Variants in PDE12 observed in about 807,000 individuals in gnomAD.
The protein encoded by PDE12 is phosphodiesterase 12, also known as 2',5'-phosphodiesterase 12.
In PDE12, 26 loss-of-function variants were observed where a neutral mutation model predicts 45.4. The observed-to-expected ratio is 0.57, with a 90% CI of 0.42 to 0.79. The LOEUF (loss-of-function observed/expected upper bound fraction) is 0.79, where lower values mean the gene tolerates loss of function less well. PDE12 is among the 30% of genes least tolerant of loss of function. PDE12 has a pLI of 0.00. For missense variants in PDE12, 668 were observed against 790.0 expected (o/e 0.85, Z 1.85); for synonymous variants, 283 against 323.9 (o/e 0.87, Z 1.36).
the PDE12 span, among the ~76,000 whole-genome samples, chr3:57,592,668 A>G: frequency 6.6e-6 from 1 of 152,170 alleles, no homozygotes. Context: ...GCACTACTAT[A>G]ATAATGCAAA....
the PDE12 span, among the ~76,000 whole-genome samples, chr3:57,574,852 TC>T: frequency 2.0e-5 from 3 of 151,824 alleles, no homozygotes; most frequent in Non-Finnish European, 4.4e-5. Context: ...ACCCCCCATC[TC>T]CACTTTTTTT....
the PDE12 span, among the ~76,000 whole-genome samples, chr3:57,590,761 C>G: frequency 2.6e-5 from 4 of 152,108 alleles, no homozygotes; most frequent in Admixed American, 6.6e-5. Flanking sequence ...TCACTGTAGC[C>G]TCAAACTCCT....
At chr3:57,597,078 C>T in the PDE12 span, 5 of 1,614,046 alleles carry the variant, frequency 3.1e-6, no homozygotes, top group African/African-American at 6.7e-5. Flanking sequence ...ACTCACCCAT[C>T]AAAATGCGCA....
chr3:57,627,988 C>G, the PDE12 span: 1 of 464,812 alleles, frequency 2.2e-6, no homozygotes, highest in Non-Finnish European at 3.6e-6. Context: ...TATAGAAATG[C>G]CTTTCGGTGT....
chr3:57,634,881 G>T, the PDE12 span: 7 of 872,414 alleles, frequency 8.0e-6, no homozygotes, highest in Non-Finnish European at 9.8e-6. Context: ...TATAATGAAA[G>T]GATTCTTAAC....
At chr3:57,573,126 C>G in the PDE12 span, among the ~76,000 whole-genome samples, 1 of 149,870 alleles carries the variant, frequency 6.7e-6, no homozygotes, top group Non-Finnish European at 1.5e-5. Context: ...GGCATGAACC[C>G]AGAAGGCAGA....
At chr3:57,578,509 G>T in the PDE12 span, among the ~76,000 whole-genome samples, 1 of 151,592 alleles carries the variant, frequency 6.6e-6, no homozygotes, top group Non-Finnish European at 1.5e-5. Flanking sequence ...CTCAGACAGG[G>T]TCTCAACTCT....
At chr3:57,606,888 G>C in the PDE12 span, among the ~76,000 whole-genome samples, 3 of 152,152 alleles carry the variant, frequency 2.0e-5, no homozygotes, top group Non-Finnish European at 2.9e-5. Context: ...ACTGAGCTTT[G>C]AAGAGAGTAG....
the PDE12 span, among the ~76,000 whole-genome samples, chr3:57,655,584 A>C: frequency 2.0e-5 from 3 of 152,216 alleles, no homozygotes; most frequent in Admixed American, 1.3e-4. Flanking sequence ...CAAAGTCAAA[A>C]TGCAATCAAA....
At chr3:57,604,011 G>A in the PDE12 span, among the ~76,000 whole-genome samples, 2 of 150,002 alleles carry the variant, frequency 1.3e-5, no homozygotes, top group Non-Finnish European at 3.0e-5. Flanking sequence ...TGCAGCCTCT[G>A]CCTCCCAAGT....
chr3:57,609,772 C>T, the PDE12 span, among the ~76,000 whole-genome samples: 4 of 152,010 alleles, frequency 2.6e-5, no homozygotes, highest in Non-Finnish European at 5.9e-5. Flanking sequence ...AGTCCAGGAC[C>T]AGAGAGATTC....
At chr3:57,568,858 C>A (rs1373473488), downstream of PDE12, among the ~76,000 whole-genome samples, 318 of 118,790 alleles carry the variant, frequency 2.7e-3, no homozygotes, top group East Asian at 6.2e-3. Flanking sequence ...ATGTTATGGA[C>A]AAAAAAAAAA....
chr3:57,573,604 C>T, the PDE12 span, among the ~76,000 whole-genome samples: 5 of 152,144 alleles, frequency 3.3e-5, no homozygotes, highest in Non-Finnish European at 5.9e-5. Context: ...TGTTTTGAGG[C>T]AGAGTACTCA....
chr3:57,575,537 C>A, the PDE12 span: 2 of 1,606,328 alleles, frequency 1.2e-6, no homozygotes, highest in Non-Finnish European at 1.7e-6. Flanking sequence ...TATCAACCTC[C>A]AAATACTTAC....
chr3:57,569,904 T>C (rs1366606444), downstream of PDE12, among the ~76,000 whole-genome samples: 5 of 148,880 alleles, frequency 3.4e-5, no homozygotes, highest in African/African-American at 1.2e-4. Flanking sequence ...TAAGATTACA[T>C]AGATTCTCTA....
chr3:57,575,573 C>G, the PDE12 span: 1 of 1,612,900 alleles, frequency 6.2e-7, no homozygotes. Flanking sequence ...AGACTGAAGC[C>G]CTAGTTTATC....
rs1361822732 is a variant in PDE12 at position 57,562,383 on chromosome 3, T to C, written c.*2379T>C. 1 of 152,370 alleles carries C rather than the reference T, an allele frequency of 6.6e-6. No homozygotes were observed. Among genetic ancestry groups the C allele is most frequent in the Admixed American group, 6.5e-5 (1 of 15,284 alleles). The allele number at this position is 152,370 out of a possible 1,614,324, so 9.4% of individuals were successfully genotyped here. Reference sequence around the variant, plus strand: ...CATGGAATGTTATTGTGAAGTGCCATATACTGTGATCAAATCTCCAGTATA... The same window carrying C: ...CATGGAATGTTATTGTGAAGTGCCACATACTGTGATCAAATCTCCAGTATA... On this transcript the variant is annotated 3_prime_UTR_variant, in exon 3 of 3. Transcript: ENST00000311180.
At chr3:57,655,201 GT>G in the PDE12 span, among the ~76,000 whole-genome samples, 1 of 152,012 alleles carries the variant, frequency 6.6e-6, no homozygotes, top group Non-Finnish European at 1.5e-5. Flanking sequence ...TGCCCAGCTA[GT>G]TTTTGTATTT....
At chr3:57,579,132 A>G in the PDE12 span, among the ~76,000 whole-genome samples, 3,629 of 151,720 alleles carry the variant, frequency 0.024, 65 homozygotes, top group Non-Finnish European at 0.035. Context: ...TACTAAAAAT[A>G]CAAAAATTAG....
Sources: allele counts gnomAD v4.1 joint callset (sites outside exome capture counted in the v4.1 genomes callset), GRCh38; gene constraint gnomAD v4.1.1; transcripts MANE v1.5; gene names NCBI Gene and HGNC (gene_info 2026-07-23, HGNC 2026-07-21).